MAPK6: variants seen among roughly 807,000 people sequenced by gnomAD.
The protein encoded by MAPK6 is ERK-3.
Under a neutral mutation model 59.3 loss-of-function variants are expected in MAPK6, and 19 were observed. That is an observed-to-expected ratio of 0.32 (90% CI 0.22 to 0.47). The LOEUF (loss-of-function observed/expected upper bound fraction) is 0.47. MAPK6 is among the 20% of genes least tolerant of loss of function. The pLI, the probability that MAPK6 is intolerant of heterozygous loss-of-function variation, is 1.00. For synonymous variants in MAPK6, 316 were observed against 290.3 expected, an observed-to-expected ratio of 1.09 and a Z score of -0.90; for missense variants, 724 against 847.9, an observed-to-expected ratio of 0.85 and a Z score of 1.81.
At chr15:52,004,465 T>G (rs1039913579) in intron 3 of MAPK6, 2 of 152,246 alleles carry the variant, frequency 1.3e-5, no homozygotes, top group African/African-American at 4.8e-5. Context: ...TAGTTGCCCC[T>G]GTTTCCCTTT....
At chr15:52,003,788 T>C (rs1364315572) in intron 2 of MAPK6, among the ~76,000 whole-genome samples, 1 of 152,252 alleles carries the variant, frequency 6.6e-6, no homozygotes, top group Admixed American at 6.5e-5. Flanking sequence ...GAGCATGATG[T>C]TGAAGAGATG....
At chr15:52,042,574 G>C (rs1192974369) in intron 1 of MAPK6, among the ~76,000 whole-genome samples, 4 of 152,056 alleles carry the variant, frequency 2.6e-5, no homozygotes, top group African/African-American at 9.7e-5. Context: ...TCTTGAGTAA[G>C]GATCTCTCAT....
chr15:51,981,610 G>T (rs141524740), intron 1 of MAPK6, among the ~76,000 whole-genome samples: 1 of 152,192 alleles, frequency 6.6e-6, no homozygotes, highest in Non-Finnish European at 1.5e-5. Flanking sequence ...TAAATATAGG[G>T]TTGGGTTTAG....
At chr15:52,016,056 GCGCGCGCGCGCGCGCA>G (rs2030237893), upstream of MAPK6, among the ~76,000 whole-genome samples, 3 of 45,766 alleles carry the variant, frequency 6.6e-5, no homozygotes, top group African/African-American at 2.8e-4. Flanking sequence ...ACTCCATCGC[GCGCGCGCGCGCGCGCA>G]CACACACACA....
At chr15:52,007,809 A>G (rs2029942711) in intron 3 of MAPK6, among the ~76,000 whole-genome samples, 1 of 151,852 alleles carries the variant, frequency 6.6e-6, no homozygotes, top group Non-Finnish European at 1.5e-5. Context: ...AGAATAGTAT[A>G]AAAACTACAC....
At chr15:51,995,245 C>G (rs555351728) in intron 2 of MAPK6, among the ~76,000 whole-genome samples, 2 of 152,286 alleles carry the variant, frequency 1.3e-5, no homozygotes, top group African/African-American at 4.8e-5. Context: ...TACAGCGACC[C>G]TTGGGCATTG....
intron 1 of MAPK6, among the ~76,000 whole-genome samples, chr15:52,025,309 G>T (rs560192128): frequency 6.6e-6 from 1 of 152,142 alleles, no homozygotes; most frequent in African/African-American, 2.4e-5. Context: ...AGTCTTCTGA[G>T]TTGCTCTTTC....
At chr15:51,974,953 G>A (rs2057153225) in intron 1 of MAPK6, among the ~76,000 whole-genome samples, 1 of 151,280 alleles carries the variant, frequency 6.6e-6, no homozygotes, top group Non-Finnish European at 1.5e-5. Flanking sequence ...CCTGACCTCA[G>A]GTGATCCATC....
At chr15:51,984,207 T>G (rs1236812082) in intron 2 of MAPK6, among the ~76,000 whole-genome samples, 1 of 152,130 alleles carries the variant, frequency 6.6e-6, no homozygotes, top group African/African-American at 2.4e-5. Flanking sequence ...GATGAATGTG[T>G]ATTGAAGAAA....
rs1233055695 is a variant in MAPK6, at chr15:52,061,520, G to A, written c.1067+20G>A. The A allele has an allele frequency of 6.4e-7, 1 of 1,567,284 alleles. No homozygotes were observed. Among genetic ancestry groups the A allele is most frequent in the Non-Finnish European group, 8.8e-7 (1 of 1,139,052 alleles). On this transcript the variant is annotated intron_variant, in intron 5 of 5. Coordinates refer to ENST00000261845, the MANE Select transcript of MAPK6 (RefSeq NM_002748.4). ...GGAAAGGTAAATTGATCCTAAATTA[G>A]AAAAATAATATTTACTGAACTTTCA...
rs1475000189 is a variant in MAPK6 at position 52,012,370 on chromosome 15, G to A, written c.-632+7968G>A. ...GAGAAATCTTGAGCTGAATAGCATA[G>A]GTGTGGTACCCCCTGGGACGTGGAC... On this transcript the variant is annotated intron_variant, in intron 3 of 7. Coordinates refer to the MAPK6 transcript ENST00000691380. Among the ~76,000 whole-genome samples, 25 of 152,248 alleles carry A rather than the reference G, an allele frequency of 1.6e-4. No individual in the cohort carries two copies. The East Asian group carries it at 4.8e-3, about 29-fold the overall frequency.
intron 2 of MAPK6, among the ~76,000 whole-genome samples, chr15:51,998,068 C>A (rs1456115186): frequency 1.3e-5 from 2 of 151,740 alleles, no homozygotes; most frequent in Non-Finnish European, 2.9e-5. Flanking sequence ...CTCAGCCTCC[C>A]GAGTAGCTGG....
At chr15:52,023,310 C>G (rs1397684178) in intron 1 of MAPK6, among the ~76,000 whole-genome samples, 2 of 152,110 alleles carry the variant, frequency 1.3e-5, no homozygotes, top group Admixed American at 6.6e-5. Context: ...TTCTGTGTGG[C>G]ATTGTTGGCT....
intron 1 of MAPK6, among the ~76,000 whole-genome samples, chr15:52,026,407 G>A (rs899455569): frequency 1.3e-5 from 2 of 151,916 alleles, no homozygotes; most frequent in African/African-American, 2.4e-5. Flanking sequence ...TTCTCCTGCT[G>A]CAGCCTCCCA....
upstream of MAPK6, among the ~76,000 whole-genome samples, chr15:52,016,864 T>C (rs946743858): frequency 1.1e-4 from 17 of 152,034 alleles, no homozygotes; most frequent in Admixed American, 8.5e-4. Flanking sequence ...GTCAACATGG[T>C]AAAACCTCGT....
At chr15:51,992,251 C>T (rs1056568033) in intron 2 of MAPK6, among the ~76,000 whole-genome samples, 44 of 150,464 alleles carry the variant, frequency 2.9e-4, no homozygotes, top group Middle Eastern at 6.9e-3. Flanking sequence ...AGCCACCGCA[C>T]CCGGCTGTCC....
chr15:52,039,617 G>A (rs1376475779), intron 1 of MAPK6, among the ~76,000 whole-genome samples: 1 of 148,898 alleles, frequency 6.7e-6, no homozygotes, highest in Non-Finnish European at 1.5e-5. Context: ...CCAGGTTCAA[G>A]CGATTCTCCA....
rs1172774524 is a variant in MAPK6, at chr15:52,063,531, CTTACTGTAGAGTAAACATTT to C, written c.1068-370_1068-351del. 7.2e-4 allele frequency among the ~76,000 whole-genome samples: 5 copies of C among 6,972 alleles called. No homozygotes were observed. In the Admixed American group the frequency reaches 0.01, roughly 14 times the overall value. The allele number at this position is 6,972 out of a possible 152,430, so 4.6% of individuals were successfully genotyped here. ...CAAACCTCCTCCTCTTCTAGTTGCC[CTTACTGTAGAGTAAACATTT>C]AGCAAACCTCCTCCTCTTCTAGTTG... is the stretch of plus-strand genomic sequence containing the variant. On this transcript the variant is annotated intron_variant, in intron 5 of 5. Coordinates refer to ENST00000261845, the MANE Select transcript of MAPK6 (RefSeq NM_002748.4).
chr15:52,012,452 C>T (rs1053221839), intron 3 of MAPK6, among the ~76,000 whole-genome samples: 2 of 152,176 alleles, frequency 1.3e-5, no homozygotes, highest in Non-Finnish European at 2.9e-5. Context: ...GGCATCTGCT[C>T]ACACTGCATT....
Sources: allele counts gnomAD v4.1 joint callset (sites outside exome capture counted in the v4.1 genomes callset), GRCh38; gene constraint gnomAD v4.1.1; transcripts MANE v1.5; gene names NCBI Gene and HGNC (gene_info 2026-07-23, HGNC 2026-07-21).